Variants in C2CD3 observed in about 807,000 individuals in gnomAD.
C2CD3 encodes the protein C2 domain-containing protein 3.
C2CD3 carries 148 observed loss-of-function variants against 234.0 expected under a neutral mutation model. That is an observed-to-expected ratio of 0.63 (90% CI 0.55 to 0.72). The LOEUF (loss-of-function observed/expected upper bound fraction) is 0.72. Among genes scored for constraint, C2CD3 ranks in the 30% least tolerant of loss-of-function variants. The probability of loss-of-function intolerance (pLI) is 0.00; values close to 1 mark genes in which losing one functional copy is unlikely to be tolerated. For synonymous variants in C2CD3, 1,000 were observed against 1,035.4 expected (o/e 0.97, Z 0.66); for missense variants, 2,577 against 2,811.5 (o/e 0.92, Z 1.89).
At chr11:74,021,768 A>G (rs1483765541) in intron 32 of C2CD3, among the ~76,000 whole-genome samples, 1 of 152,240 alleles carries the variant, frequency 6.6e-6, no homozygotes, top group Non-Finnish European at 1.5e-5. Flanking sequence ...GTGATATTAC[A>G]CTGGCTACAG....
At chr11:74,146,925 C>T (rs558401343) in intron 3 of C2CD3, among the ~76,000 whole-genome samples, 6 of 152,010 alleles carry the variant, frequency 3.9e-5, no homozygotes, top group South Asian at 4.2e-4. Flanking sequence ...TGGTGACAGA[C>T]GCCTGTAATC....
chr11:74,078,567 T>C lies in C2CD3; in HGVS notation c.4151A>G (p.His1384Arg), dbSNP rs765432994. The C allele has an allele frequency of 7.9e-5, 127 of 1,614,012 alleles. No individual in the cohort carries two copies. Among genetic ancestry groups the C allele is most frequent in the Non-Finnish European group, 9.3e-6 (11 of 1,180,016 alleles). The change falls in exon 23 of 33, where the codon CAT (histidine) becomes CGT (arginine). Residue 1384 changes from histidine (H) to arginine (R), a missense_variant. Coordinates refer to ENST00000334126, the MANE Select transcript of C2CD3 (RefSeq NM_001286577.2). ...DRERVLEAAEHLGWSFENSLK... is the reference protein window; with the variant it reads ...DRERVLEAAERLGWSFENSLK... The stretch of plus-strand genomic sequence containing the variant: ...GCTGTTCTCAAAGCTCCAGCCCAAA[T>C]GCTCAGCAGCTTCCAACACCCGTTC...
intron 21 of C2CD3, among the ~76,000 whole-genome samples, chr11:74,085,295 C>T (rs1955591519): frequency 6.6e-6 from 1 of 151,912 alleles, no homozygotes; most frequent in Non-Finnish European, 1.5e-5. Flanking sequence ...GGCCACTGTG[C>T]CCAGCCCATT....
chr11:74,054,692 T>C, intron 25 of C2CD3, 21 bp from the exon 26 acceptor site: 1 of 1,563,536 alleles, frequency 6.4e-7, no homozygotes, highest in East Asian at 2.2e-5. Context: ...AAACAACCAC[T>C]GTAAACTAAA....
At chr11:74,114,057 G>C (rs531529294) in intron 10 of C2CD3, among the ~76,000 whole-genome samples, 165 bp from the exon 11 acceptor site, 3 of 152,188 alleles carry the variant, frequency 2.0e-5, no homozygotes, top group East Asian at 1.9e-4. Context: ...AGAATCAAAG[G>C]CTCCCTTTCT....
intron 29 of C2CD3, among the ~76,000 whole-genome samples, chr11:74,041,027 A>G (rs922772392): frequency 1.3e-5 from 2 of 151,126 alleles, no homozygotes; most frequent in Non-Finnish European, 2.9e-5. Context: ...ACTGACAAAC[A>G]TGATTATCTG....
At chr11:74,054,144 C>T (rs1371535759) in intron 26 of C2CD3, among the ~76,000 whole-genome samples, 4 of 151,014 alleles carry the variant, frequency 2.6e-5, no homozygotes, top group Non-Finnish European at 4.4e-5. Context: ...TGGTGGCAGG[C>T]GCCTGTAGTC....
At chr11:74,050,930 C>T (rs189441791) in intron 26 of C2CD3, among the ~76,000 whole-genome samples, 1 of 151,474 alleles carries the variant, frequency 6.6e-6, no homozygotes, top group Admixed American at 6.6e-5. Context: ...GACTGGAAAA[C>T]ATATTCCTCT....
chr11:74,143,015 C>T (rs1359634256), intron 3 of C2CD3, among the ~76,000 whole-genome samples: 1 of 152,178 alleles, frequency 6.6e-6, no homozygotes, highest in Non-Finnish European at 1.5e-5. Flanking sequence ...ACCACCTACA[C>T]TTGCCAGGCT....
At chr11:74,083,311 A>C (rs1167722026) in intron 22 of C2CD3, among the ~76,000 whole-genome samples, 1 of 152,252 alleles carries the variant, frequency 6.6e-6, no homozygotes, top group Non-Finnish European at 1.5e-5. Context: ...TTAAAGATTT[A>C]AATGTTAGAC....
At chr11:74,170,383 C>A (rs574648327) in intron 1 of C2CD3, among the ~76,000 whole-genome samples, 222 of 152,276 alleles carry the variant, frequency 1.5e-3, no homozygotes, top group Non-Finnish European at 2.7e-3. Flanking sequence ...ATGATATAAT[C>A]CCTTTGCCAA....
chr11:74,031,301 T>C (rs1040775221), intron 31 of C2CD3, among the ~76,000 whole-genome samples: 20 of 152,346 alleles, frequency 1.3e-4, no homozygotes, highest in African/African-American at 3.8e-4. Flanking sequence ...CAGCCAGGTA[T>C]AGAAGTCCTT....
intron 16 of C2CD3, among the ~76,000 whole-genome samples, chr11:74,095,921 C>T (rs1956088469): frequency 6.6e-6 from 1 of 152,166 alleles, no homozygotes; most frequent in South Asian, 2.1e-4. Flanking sequence ...GTGGCATCCA[C>T]GATTCCAGCA....
At chr11:74,127,163 A>C (rs973881123) in intron 7 of C2CD3, among the ~76,000 whole-genome samples, 2 of 152,110 alleles carry the variant, frequency 1.3e-5, no homozygotes, top group Non-Finnish European at 1.5e-5. Flanking sequence ...ATACGCCACC[A>C]CACCAGGCTA....
At chr11:74,093,413 A>T (rs1955974693) in intron 18 of C2CD3, among the ~76,000 whole-genome samples, 1 of 150,716 alleles carries the variant, frequency 6.6e-6, no homozygotes, top group African/African-American at 2.4e-5. Flanking sequence ...TGGTGGGAAG[A>T]ACAGGTTACA....
chr11:74,168,720 G>T, intron 1 of C2CD3, 107 bp from the exon 2 acceptor site: 2 of 990,108 alleles, frequency 2.0e-6, no homozygotes, highest in Non-Finnish European at 3.0e-6. Flanking sequence ...CTTAAGTTCA[G>T]CAATTTATCA....
intron 22 of C2CD3, among the ~76,000 whole-genome samples, chr11:74,079,906 T>G (rs894517009): frequency 1.3e-5 from 2 of 152,132 alleles, no homozygotes; most frequent in Non-Finnish European, 2.9e-5. Context: ...GGCTCACAGA[T>G]AGTAAACATT....
At chr11:74,093,091 T>G (rs182937928) in intron 18 of C2CD3, among the ~76,000 whole-genome samples, 313 of 152,246 alleles carry the variant, frequency 2.1e-3, no homozygotes, top group African/African-American at 6.9e-3. Context: ...GACTGACAAT[T>G]AATTGTATTT....
intron 24 of C2CD3, among the ~76,000 whole-genome samples, chr11:74,071,635 A>G (rs1954796298): frequency 6.6e-6 from 1 of 152,242 alleles, no homozygotes; most frequent in African/African-American, 2.4e-5. Context: ...TACAGGGAAT[A>G]ACCCTGATCT....
Sources: gnomAD v4.1 joint callset for allele counts (sites outside exome capture counted in the v4.1 genomes callset) on GRCh38, gnomAD v4.1.1 for gene constraint, MANE v1.5 for transcripts, NCBI Gene and HGNC (gene_info 2026-07-23, HGNC 2026-07-21) for gene names.